The following AGO3 variants were observed in gnomAD, a reference collection of about 807,000 sequenced individuals.
The protein encoded by AGO3 is protein argonaute-3.
A neutral mutation model predicts 105.5 loss-of-function variants in AGO3; 16 were observed. The observed-to-expected ratio is 0.15, with a 90% confidence interval of 0.10 to 0.23. AGO3 has a LOEUF of 0.23. AGO3 is among the 10% of genes least tolerant of loss of function. The pLI, the probability that AGO3 is intolerant of heterozygous loss-of-function variation, is 1.00. For missense variants in AGO3, 534 were observed against 1,088.0 expected (o/e 0.49, Z 7.16); for synonymous variants, 340 against 367.3 (o/e 0.93, Z 0.85).
chr1:36,013,895 A>AT lies in AGO3; in HGVS notation c.1273-13dup, dbSNP rs1640746753. On this transcript the variant is annotated intron_variant, in intron 10 of 18. Transcript: ENST00000373191. ...AATTTTTGTTCTTTTTCACCATGTT[A>AT]TTTTTTTCTCCTCGTGTAGAATCGG... 2 of 1,601,744 alleles carry AT rather than the reference A, an allele frequency of 1.2e-6. No individual in the cohort carries two copies. The highest frequency in any genetic ancestry group is 1.3e-5 in the African/African-American group (1 of 74,410).
At chr1:35,967,140 T>A (rs1331738378) in intron 3 of AGO3, 65 bp downstream of exon 3, 1 of 1,533,470 alleles carries the variant, frequency 6.5e-7, no homozygotes, top group Non-Finnish European at 8.8e-7. Flanking sequence ...CACGCATTTA[T>A]TACCATTTTT....
rs1029022902 is a variant in AGO3 at position 36,069,849 on chromosome 1, G to A, written c.*14104G>A. 3.9e-5 allele frequency: 6 copies of A among 152,214 alleles called. No homozygotes were observed. The highest frequency in any genetic ancestry group is 5.9e-5 in the Non-Finnish European group (4 of 68,074). The allele number at this position is 152,214 out of a possible 1,614,324, so 9.4% of individuals were successfully genotyped here. A position where few individuals can be genotyped will look rare whatever the true frequency, so the allele number is the denominator to read the frequency against. On this transcript the variant is annotated 3_prime_UTR_variant, in exon 19 of 19. Transcript: ENST00000373191. ...AGGTAGGTGGATCACTTGAGGTCAG[G>A]AGTTCGAGACCAGCCTGGCCAACAT...
intron 11 of AGO3, among the ~76,000 whole-genome samples, chr1:36,020,249 A>G (rs1641146373): frequency 6.6e-6 from 1 of 152,206 alleles, no homozygotes; most frequent in Non-Finnish European, 1.5e-5. Context: ...ATGGAGGTGC[A>G]CAGCACTGTT....
At position 35,972,140 on chromosome 1, in the gene AGO3, G is replaced by C. The variant is rs370300022; in HGVS notation, c.429G>C (p.Arg143=). The C allele has an allele frequency of 8.1e-6, 13 of 1,613,984 alleles. No individual in the cohort carries two copies. In the African/African-American group the frequency reaches 1.7e-4, roughly 22 times the overall value. The part of the protein sequence containing the change: ...WHLLHEVLTG[R]TLPEPLELDK... ...TACTGCATGAAGTACTGACAGGACG[G>C]ACCTTGCCTGAGCCACTGGAATTAG... Residue 143 remains arginine (R), a synonymous_variant, in exon 4 of 19, where the codon CGG becomes CGC. Transcript: ENST00000373191.
intron 5 of AGO3, among the ~76,000 whole-genome samples, chr1:35,991,692 C>T (rs1647677930): frequency 1.3e-5 from 2 of 151,806 alleles, no homozygotes; most frequent in South Asian, 4.1e-4. Context: ...GCTGTATTGA[C>T]GTTTAATTTA....
chr1:35,998,236 T>C (rs573325901), intron 5 of AGO3, among the ~76,000 whole-genome samples: 1 of 152,212 alleles, frequency 6.6e-6, no homozygotes, highest in Non-Finnish European at 1.5e-5. Flanking sequence ...TGCTCATTAA[T>C]TTTAATTATA....
chr1:35,931,224 C>A lies in AGO3; in HGVS notation c.-203C>A. 1 of 429,750 alleles carries A rather than the reference C, an allele frequency of 2.3e-6. No homozygotes were observed. 26.6% of individuals were successfully genotyped at this position (429,750 alleles called of 1,614,324 possible). On this transcript the variant is annotated 5_prime_UTR_variant, in exon 1 of 19. Transcript: ENST00000373191. ...CGCCTCACATCTCCCCTTCCTCTCG[C>A]CTAGTCCTGTGCCGTTTTCCGTCCG...
At chr1:35,942,702 G>T (rs1389594846) in intron 1 of AGO3, among the ~76,000 whole-genome samples, 4 of 151,894 alleles carry the variant, frequency 2.6e-5, no homozygotes, top group Non-Finnish European at 5.9e-5. Context: ...GACATCACAG[G>T]TTTTCTTTAA....
In AGO3 at chr1:36,064,863, AATT is replaced by A. The variant is rs1343215498; in HGVS notation, c.*9120_*9122del. On this transcript the variant is annotated 3_prime_UTR_variant, in exon 19 of 19. Transcript: ENST00000373191. Reference sequence around the variant, plus strand: ...CTGATTATAAGAATTTGTTACTACTAATTAAAAGCAAATTAATGTGGCTGGGCG... The same window carrying A: ...CTGATTATAAGAATTTGTTACTACTAAAAAGCAAATTAATGTGGCTGGGCG... 2 of 152,124 alleles carry A rather than the reference AATT, an allele frequency of 1.3e-5. No individual in the cohort carries two copies. The highest frequency in any genetic ancestry group is 2.9e-5 in the Non-Finnish European group (2 of 68,030). The allele number at this position is 152,124 out of a possible 1,614,324, so 9.4% of individuals were successfully genotyped here.
At chr1:36,051,204 G>A (rs1330157294) in intron 17 of AGO3, among the ~76,000 whole-genome samples, 1 of 151,982 alleles carries the variant, frequency 6.6e-6, no homozygotes, top group Non-Finnish European at 1.5e-5. Flanking sequence ...CAAAGTACTA[G>A]GATTACAGTC....
chr1:36,001,093 G>A (rs1283138220), intron 5 of AGO3, among the ~76,000 whole-genome samples: 4 of 151,950 alleles, frequency 2.6e-5, no homozygotes, highest in Non-Finnish European at 2.9e-5. Flanking sequence ...AAAATTAGCC[G>A]GGTGTGGTGG....
chr1:36,009,880 G>T (rs1640510139), intron 9 of AGO3, among the ~76,000 whole-genome samples: 1 of 151,572 alleles, frequency 6.6e-6, no homozygotes, highest in Admixed American at 6.6e-5. Context: ...ACCTAAAAGA[G>T]GTGGGAAATA....
At chr1:35,997,088 G>A (rs1485631705) in intron 5 of AGO3, among the ~76,000 whole-genome samples, 1 of 152,064 alleles carries the variant, frequency 6.6e-6, no homozygotes, top group Non-Finnish European at 1.5e-5. Flanking sequence ...GACTAGCTTG[G>A]CCAACATGGT....
chr1:35,965,480 A>G (rs1420318611), intron 2 of AGO3, among the ~76,000 whole-genome samples: 1 of 117,148 alleles, frequency 8.5e-6, no homozygotes, highest in Non-Finnish European at 1.8e-5. Flanking sequence ...ACAGAGCAAG[A>G]CGCTGTCTCA....
chr1:35,945,302 C>A (rs550781412), intron 1 of AGO3, among the ~76,000 whole-genome samples: 22 of 151,912 alleles, frequency 1.4e-4, no homozygotes, highest in Non-Finnish European at 2.6e-4. Context: ...ATCCTCCTAC[C>A]TTGGCCTCCT....
At chr1:35,958,601 T>A (rs1405675521) in intron 2 of AGO3, among the ~76,000 whole-genome samples, 1 of 150,706 alleles carries the variant, frequency 6.6e-6, no homozygotes, top group Admixed American at 6.6e-5. Flanking sequence ...TGCTGTGAGC[T>A]GAGATTGCAC....
At chr1:36,043,684 T>C in intron 17 of AGO3, 136 bp downstream of exon 17, 1 of 736,128 alleles carries the variant, frequency 1.4e-6, no homozygotes, top group Non-Finnish European at 2.2e-6. Context: ...GATGAAACTT[T>C]CAGTAAACAA....
intron 17 of AGO3, among the ~76,000 whole-genome samples, chr1:36,045,361 A>G (rs1249487751): frequency 6.6e-6 from 1 of 151,890 alleles, no homozygotes; most frequent in African/African-American, 2.4e-5. Context: ...AGCTGGGACT[A>G]CAGGCACCCA....
chr1:36,040,899 C>T (rs1642215843), intron 16 of AGO3, among the ~76,000 whole-genome samples: 1 of 151,588 alleles, frequency 6.6e-6, no homozygotes, highest in Non-Finnish European at 1.5e-5. Context: ...ACGGTGAAAC[C>T]CTGTCTCTAC....
Sources: allele counts gnomAD v4.1 joint callset (sites outside exome capture counted in the v4.1 genomes callset), GRCh38; gene constraint gnomAD v4.1.1; transcripts MANE v1.5; gene names NCBI Gene and HGNC (gene_info 2026-07-23, HGNC 2026-07-21).